Variants in SCUBE2 observed in about 807,000 individuals in gnomAD.
SCUBE2 encodes the protein signal peptide, CUB and EGF-like domain-containing protein 2.
SCUBE2 carries 114 observed loss-of-function variants against 125.9 expected under a neutral mutation model. The ratio of observed to expected loss-of-function variants is 0.91; its 90% CI spans 0.78 to 1.06. The LOEUF (loss-of-function observed/expected upper bound fraction) is 1.06, where lower values mean the gene tolerates loss of function less well. Ranked by LOEUF, SCUBE2 falls within the 50% of genes least tolerant of loss-of-function variation. The probability of loss-of-function intolerance (pLI) is 0.00; values close to 1 mark genes in which losing one functional copy is unlikely to be tolerated. For synonymous variants in SCUBE2, 459 were observed against 492.9 expected, an observed-to-expected ratio of 0.93 and a Z score of 0.91; for missense variants, 1,255 against 1,301.8, an observed-to-expected ratio of 0.96 and a Z score of 0.55.
rs749081628 is a variant in SCUBE2 at position 9,030,760 on chromosome 11, C to G, written c.2339G>C (p.Arg780Thr). The G allele has an allele frequency of 6.2e-7, 1 of 1,613,116 alleles. No individual in the cohort carries two copies. The highest frequency in any genetic ancestry group is 2.2e-5 in the East Asian group (1 of 44,868). The change falls in exon 18 of 23, where the codon AGA (arginine) becomes ACA (threonine). Residue 780 changes from arginine (R) to threonine (T), a missense_variant and splice_region_variant. Arg to Thr is a moderately conservative substitution (Grantham distance 71). Coordinates refer to ENST00000649792, the MANE Select transcript of SCUBE2 (RefSeq NM_001367977.2). ...AAGGCAAGCTGCCAAGTACTCACCT[C>G]TGGTTTCACAGTCCTGAAAGGAAGT... is the stretch of plus-strand genomic sequence containing the variant. ...GATSFQDCETRVQCSPGHFYN... is the reference protein window; with the variant it reads ...GATSFQDCETTVQCSPGHFYN...
intron 16 of SCUBE2, among the ~76,000 whole-genome samples, chr11:9,043,914 G>A (rs1857464276): frequency 6.6e-6 from 1 of 152,034 alleles, no homozygotes; most frequent in Non-Finnish European, 1.5e-5. Flanking sequence ...ACATGCATAG[G>A]CATGATCTTT....
chr11:9,085,981 C>A (rs931126422), intron 2 of SCUBE2, among the ~76,000 whole-genome samples: 2 of 151,950 alleles, frequency 1.3e-5, no homozygotes, highest in African/African-American at 4.8e-5. Context: ...TATAGGCACG[C>A]ACCACTACAC....
intron 7 of SCUBE2, 94 bp downstream of exon 7, chr11:9,065,797 G>C: frequency 9.7e-7 from 1 of 1,033,914 alleles, no homozygotes; most frequent in Non-Finnish European, 1.5e-6. Context: ...GCTGGTCTGA[G>C]GGCATGTGGC....
Position 9,047,532 on chromosome 11 carries a change from C to A in SCUBE2, c.1826G>T (p.Arg609Leu). ...GGCTTTACGGAGCCGCTTCTCGGTT[C>A]GCTTTACGATGCAGCTCAGGTCACA... ...ASCDLSCIVK[R>L]TEKRLRKAIR... Residue 609 changes from arginine to leucine, a missense_variant, in exon 16 of 23, where the codon CGA becomes CTA. By Grantham distance (102) the Arg-to-Leu change is moderately radical (BLOSUM62 -2). Coordinates refer to ENST00000649792, the MANE Select transcript of SCUBE2 (RefSeq NM_001367977.2). 6.2e-7 allele frequency: 1 copy of A among 1,613,906 alleles called. No homozygotes were observed. The highest frequency in any genetic ancestry group is 8.5e-7 in the Non-Finnish European group (1 of 1,179,998).
At chr11:9,055,703 A>C (rs769225689) in intron 10 of SCUBE2, 90 bp downstream of exon 10, 1 of 935,720 alleles carries the variant, frequency 1.1e-6, no homozygotes, top group Non-Finnish European at 1.7e-6. Context: ...TCATACCCCA[A>C]TGTAGGAAAG....
intron 4 of SCUBE2, among the ~76,000 whole-genome samples, chr11:9,073,567 A>C (rs1860983990): frequency 6.6e-6 from 1 of 152,220 alleles, no homozygotes; most frequent in Non-Finnish European, 1.5e-5. Flanking sequence ...ATTTGTGATT[A>C]AATAGTAGAA....
intron 11 of SCUBE2, 120 bp downstream of exon 11, chr11:9,053,517 G>T: frequency 8.8e-7 from 1 of 1,142,272 alleles, no homozygotes; most frequent in Non-Finnish European, 1.3e-6. Context: ...AACAGTTGCT[G>T]CAGCTGGTGG....
intron 22 of SCUBE2, 28 bp from the exon 23 acceptor site, chr11:9,021,225 G>A: frequency 6.6e-7 from 1 of 1,516,254 alleles, no homozygotes; most frequent in Non-Finnish European, 8.9e-7. Context: ...TTTGTTACTG[G>A]GCCAAAATAT....
chr11:9,066,125 A>G (rs1020609040), intron 6 of SCUBE2, 145 bp from the exon 7 acceptor site: 2 of 629,404 alleles, frequency 3.2e-6, no homozygotes, highest in Admixed American at 2.7e-5. Flanking sequence ...TGTTGTAATG[A>G]GGCTCTGTGG....
Position 9,091,503 on chromosome 11 carries a change from G to A in SCUBE2, c.26C>T (p.Pro9Leu). The change falls in exon 1 of 23, where the codon CCC becomes CTC. Residue 9 changes from proline (P) to leucine (L), a missense_variant. Pro to Leu is a moderately conservative substitution (Grantham distance 98). Transcript: ENST00000649792. The surrounding 1 kb of genome is among the most constrained non-coding windows in gnomAD (Gnocchi z 8.5). MGVAGRNR[P>L]GAAWAVLLLL... ...CAGCAGCACCGCCCAGGCCGCCCCG[G>A]GACGGTTGCGGCCCGCGACCCCCAT... 5.7e-6 allele frequency: 6 copies of A among 1,050,690 alleles called. No homozygotes were observed. The highest frequency in any genetic ancestry group is 7.3e-6 in the Non-Finnish European group (6 of 817,164). 65.1% of individuals were successfully genotyped at this position (1,050,690 alleles called of 1,614,324 possible). A position where few individuals can be genotyped will look rare whatever the true frequency, so the allele number is the denominator to read the frequency against.
intron 22 of SCUBE2, 135 bp from the exon 23 acceptor site, chr11:9,021,332 G>A: frequency 3.4e-6 from 2 of 580,668 alleles, no homozygotes; most frequent in Non-Finnish European, 5.3e-6. Context: ...TGTTTCCTCT[G>A]ATTTTTATCT....
At chr11:9,059,183 G>C (rs909792886) in intron 9 of SCUBE2, 120 bp downstream of exon 9, 1 of 1,158,214 alleles carries the variant, frequency 8.6e-7, no homozygotes, top group African/African-American at 1.5e-5. Flanking sequence ...CTAGGAAGGA[G>C]ATTGGATTAG....
At chr11:9,035,068 G>C (rs1334683779) in intron 16 of SCUBE2, among the ~76,000 whole-genome samples, 1 of 152,126 alleles carries the variant, frequency 6.6e-6, no homozygotes, top group Non-Finnish European at 1.5e-5. Context: ...GTTGCTTCTG[G>C]TTCTATTTCT....
chr11:9,032,350 AG>A (rs1366600225), intron 17 of SCUBE2, among the ~76,000 whole-genome samples: 1 of 152,036 alleles, frequency 6.6e-6, no homozygotes, highest in African/African-American at 2.4e-5. Flanking sequence ...TCTTAGGGTT[AG>A]GGTTAGCCAC....
Position 9,050,580 on chromosome 11 carries a change from C to T in SCUBE2, c.1639+26G>A, listed in dbSNP as rs761187535. 6.9e-6 allele frequency: 11 copies of T among 1,587,738 alleles called. No homozygotes were observed. The East Asian group carries it at 2.5e-4, about 36-fold the overall frequency. ...CCCCTTCCCACATGCAGGCAAGCTC[C>T]CTACACCAACCACCTGATTCCATAC... is the stretch of plus-strand genomic sequence containing the variant. On this transcript the variant is annotated intron_variant, in intron 14 of 22. Coordinates refer to ENST00000649792, the MANE Select transcript of SCUBE2 (RefSeq NM_001367977.2).
intron 9 of SCUBE2, chr11:9,057,369 T>C (rs1379421453): frequency 2.0e-5 from 3 of 152,200 alleles, no homozygotes; most frequent in African/African-American, 7.2e-5. Context: ...AAGAGGAATA[T>C]ACTTGAACTG....
At chr11:9,035,739 T>C (rs1020536597) in intron 16 of SCUBE2, among the ~76,000 whole-genome samples, 11 of 152,096 alleles carry the variant, frequency 7.2e-5, no homozygotes, top group African/African-American at 2.7e-4. Context: ...TTTTGGATCA[T>C]GGTAAGCAAA....
Position 9,053,173 on chromosome 11 carries a change from GAC to G in SCUBE2, c.1371_1372del (p.Ser458ProfsTer5), listed in dbSNP as rs2135469501. 3 of 1,614,194 alleles carry G rather than the reference GAC, an allele frequency of 1.9e-6. No individual in the cohort carries two copies. Among genetic ancestry groups the G allele is most frequent in the Middle Eastern group, 1.6e-4 (1 of 6,062 alleles). ...TCCACCACTCTTACCGCAGTGCAGG[GAC>G]ACACGGGGTGACACACTTGTGGGCA... is the stretch of plus-strand genomic sequence containing the variant. On this transcript the variant is annotated frameshift_variant, in exon 12 of 23. Transcript: ENST00000649792. LOFTEE classifies it high-confidence loss of function.
chr11:9,033,773 A>G lies in SCUBE2; in HGVS notation c.2026T>C (p.Tyr676His), dbSNP rs901366807. Reference sequence around the variant, plus strand: ...ATGCAGCGTTCTCGTGCTCCATCATAATAGGTCCCAGCCCTGCAACTGACT... The same window carrying G: ...ATGCAGCGTTCTCGTGCTCCATCATGATAGGTCCCAGCCCTGCAACTGACT... ...QCVSCRAGTY[Y>H]DGARERCILC... Residue 676 changes from tyrosine to histidine, a missense_variant, in exon 17 of 23, where the codon TAT (tyrosine) becomes CAT (histidine). By Grantham distance (83) the Tyr-to-His change is moderately conservative. Around this residue, in one of 3 missense-constraint regions of SCUBE2, gnomAD observed 515 missense variants for 515.7 expected, o/e 1.00. Coordinates refer to ENST00000649792, the MANE Select transcript of SCUBE2 (RefSeq NM_001367977.2). 5.0e-6 allele frequency: 8 copies of G among 1,613,990 alleles called. No homozygotes were observed. The highest frequency in any genetic ancestry group is 6.8e-6 in the Non-Finnish European group (8 of 1,180,022).
Sources: allele counts gnomAD v4.1 joint callset (sites outside exome capture counted in the v4.1 genomes callset), GRCh38; gene constraint gnomAD v4.1.1; regional missense constraint gnomAD v4.1.1; non-coding constraint Gnocchi (gnomAD v3.1); transcripts MANE v1.5; gene names NCBI Gene and HGNC (gene_info 2026-07-23, HGNC 2026-07-21).